The following SLCO5A1 variants were observed in gnomAD, a reference collection of about 807,000 sequenced individuals.
The protein encoded by SLCO5A1 is solute carrier organic anion transporter family member 5A1.
SLCO5A1 carries 39 observed loss-of-function variants against 65.1 expected under a neutral mutation model. The observed-to-expected ratio is 0.60, with a 90% CI of 0.46 to 0.78. The LOEUF (loss-of-function observed/expected upper bound fraction) is 0.78. Among genes scored for constraint, SLCO5A1 ranks in the 30% least tolerant of loss-of-function variants. The probability of loss-of-function intolerance (pLI) is 0.00; values close to 1 mark genes in which losing one functional copy is unlikely to be tolerated. For synonymous variants in SLCO5A1, 438 were observed against 415.7 expected (o/e 1.05, Z -0.65); for missense variants, 1,029 against 1,069.4 (o/e 0.96, Z 0.53).
rs371210780 is a variant in SLCO5A1 at position 69,765,386 on chromosome 8, T to TTA, written c.908-3513_908-3512dup. The stretch of plus-strand genomic sequence containing the variant: ...TATGTATATTACTCTGTATGAGTAT[T>TTA]TATATATATATATATACACACACAC... On this transcript the variant is annotated intron_variant, in intron 2 of 9. Transcript: ENST00000260126. Among the ~76,000 whole-genome samples, 954 of 149,104 alleles carry TTA rather than the reference T, an allele frequency of 6.4e-3. 6 individuals carry two copies. The highest frequency in any genetic ancestry group is 9.1e-3 in the African/African-American group (367 of 40,494).
chr8:69,736,554 G>T (rs185720923), intron 5 of SLCO5A1, among the ~76,000 whole-genome samples: 9 of 152,176 alleles, frequency 5.9e-5, no homozygotes, highest in Non-Finnish European at 1.0e-4. Flanking sequence ...GTGTATCCTG[G>T]GGAACACTGT....
intron 6 of SLCO5A1, among the ~76,000 whole-genome samples, chr8:69,685,314 C>T (rs10504456): frequency 0.11 from 17,290 of 152,180 alleles, 1,241 homozygotes; most frequent in Non-Finnish European, 0.17. Flanking sequence ...ATGTTTAAAC[C>T]TGAGTAACAC....
At chr8:69,677,074 A>G (rs1586671401) in intron 8 of SLCO5A1, among the ~76,000 whole-genome samples, 1 of 152,116 alleles carries the variant, frequency 6.6e-6, no homozygotes, top group East Asian at 1.9e-4. Context: ...GTGTGCCTGC[A>G]TCTTCCAGAG....
intron 5 of SLCO5A1, among the ~76,000 whole-genome samples, chr8:69,716,035 CA>C (rs1815513293): frequency 6.6e-6 from 1 of 151,246 alleles, no homozygotes; most frequent in Admixed American, 6.6e-5. Context: ...TTTCTACCTC[CA>C]TAAGTGTGCC....
intron 6 of SLCO5A1, among the ~76,000 whole-genome samples, chr8:69,685,252 C>T (rs1469951042): frequency 2.6e-5 from 4 of 152,194 alleles, no homozygotes; most frequent in African/African-American, 9.6e-5. Flanking sequence ...CATGTCCTGT[C>T]TGATTGTCAT....
At chr8:69,692,370 A>G (rs1487569371) in intron 6 of SLCO5A1, among the ~76,000 whole-genome samples, 1 of 152,214 alleles carries the variant, frequency 6.6e-6, no homozygotes, top group Non-Finnish European at 1.5e-5. Flanking sequence ...GTGGTGAGTG[A>G]ATGTGAAGGC....
At chr8:69,759,592 A>T (rs1354195598) in intron 3 of SLCO5A1, among the ~76,000 whole-genome samples, 3 of 152,216 alleles carry the variant, frequency 2.0e-5, no homozygotes, top group African/African-American at 7.2e-5. Context: ...ACTAGGGTTT[A>T]AACCCAGGGG....
rs566467457 is a variant in SLCO5A1, at chr8:69,793,786, T to C, written c.908-31911A>G. On this transcript the variant is annotated intron_variant, in intron 2 of 9. Coordinates refer to ENST00000260126, the MANE Select transcript of SLCO5A1 (RefSeq NM_030958.3). Reference sequence around the variant, plus strand: ...GAGTGAGACTCTGTCTCTAAATAAATAAATAAATAAATAAATAAATAAATA... The same window carrying C: ...GAGTGAGACTCTGTCTCTAAATAAACAAATAAATAAATAAATAAATAAATA... Among the ~76,000 whole-genome samples the C allele has an allele frequency of 2.2e-3, 311 of 139,502 alleles. 2 individuals are homozygous for C. Among genetic ancestry groups the C allele is most frequent in the Admixed American group, 4.1e-3 (58 of 14,206 alleles). The allele number at this position is 139,502 out of a possible 152,430, so 91.5% of individuals were successfully genotyped here.
intron 8 of SLCO5A1, among the ~76,000 whole-genome samples, chr8:69,677,700 C>G (rs1813606567): frequency 6.6e-6 from 1 of 152,196 alleles, no homozygotes; most frequent in Admixed American, 6.5e-5. Flanking sequence ...ATCTGGCTGT[C>G]AAGGAACAGC....
intron 2 of SLCO5A1, among the ~76,000 whole-genome samples, chr8:69,778,066 G>A (rs1390289877): frequency 1.3e-5 from 2 of 152,104 alleles, no homozygotes; most frequent in Non-Finnish European, 2.9e-5. Flanking sequence ...ATCTCCTACT[G>A]TGACTAATTT....
intron 2 of SLCO5A1, among the ~76,000 whole-genome samples, chr8:69,780,301 G>A (rs919096666): frequency 1.3e-5 from 2 of 152,074 alleles, no homozygotes; most frequent in South Asian, 4.1e-4. Flanking sequence ...CCACTACTGG[G>A]GTATCTACCC....
At chr8:69,778,294 T>G (rs532258333) in intron 2 of SLCO5A1, among the ~76,000 whole-genome samples, 1 of 152,082 alleles carries the variant, frequency 6.6e-6, no homozygotes, top group East Asian at 1.9e-4. Flanking sequence ...AAATTGTATA[T>G]TTAATTATGT....
At chr8:69,787,041 C>G (rs969266846) in intron 2 of SLCO5A1, among the ~76,000 whole-genome samples, 2 of 152,210 alleles carry the variant, frequency 1.3e-5, no homozygotes, top group African/African-American at 4.8e-5. Context: ...CAGCTGCCCC[C>G]TGCTGACTTG....
At chr8:69,822,213 C>T (rs1350294175) in intron 2 of SLCO5A1, among the ~76,000 whole-genome samples, 3 of 152,184 alleles carry the variant, frequency 2.0e-5, no homozygotes, top group Non-Finnish European at 2.9e-5. Context: ...TCCTTGTTCA[C>T]CATACATTCC....
chr8:69,710,071 T>C (rs2959573), intron 5 of SLCO5A1, among the ~76,000 whole-genome samples: 56,854 of 145,490 alleles, frequency 0.39, 11,147 homozygotes, highest in South Asian at 0.56. Flanking sequence ...CAGGCTAGAG[T>C]GCAGTGGTGT....
chr8:69,691,866 G>T (rs1814274797), intron 6 of SLCO5A1, among the ~76,000 whole-genome samples: 1 of 152,128 alleles, frequency 6.6e-6, no homozygotes, highest in South Asian at 2.1e-4. Context: ...CTACAAACCT[G>T]TACGGCATAT....
At chr8:69,732,661 C>G (rs775523127) in intron 5 of SLCO5A1, among the ~76,000 whole-genome samples, 1 of 152,032 alleles carries the variant, frequency 6.6e-6, no homozygotes, top group East Asian at 1.9e-4. Flanking sequence ...CAGGGAGAGG[C>G]GGGCAGATCA....
chr8:69,697,967 GT>G (rs35747072), intron 6 of SLCO5A1, among the ~76,000 whole-genome samples: 43,855 of 151,958 alleles, frequency 0.29, 6,573 homozygotes, highest in South Asian at 0.38. Context: ...CATCACTCAG[GT>G]AATCAGCACA....
intron 2 of SLCO5A1, among the ~76,000 whole-genome samples, chr8:69,805,162 C>A (rs966639306): frequency 6.6e-6 from 1 of 151,920 alleles, no homozygotes; most frequent in African/African-American, 2.4e-5. Flanking sequence ...AGGCTGTGTT[C>A]CAAAAGATTG....
Sources: gnomAD v4.1 joint callset for allele counts (sites outside exome capture counted in the v4.1 genomes callset) on GRCh38, gnomAD v4.1.1 for gene constraint, MANE v1.5 for transcripts, NCBI Gene and HGNC (gene_info 2026-07-23, HGNC 2026-07-21) for gene names.